The following CRPPA variants were observed in gnomAD, a reference collection of about 807,000 sequenced individuals.
CRPPA encodes the protein D-ribitol-5-phosphate cytidylyltransferase.
CRPPA carries 43 observed loss-of-function variants against 52.0 expected under a neutral mutation model. The observed-to-expected ratio is 0.83, with a 90% confidence interval of 0.65 to 1.07. The LOEUF (loss-of-function observed/expected upper bound fraction) is 1.07, where lower values mean the gene tolerates loss of function less well. CRPPA is among the 50% of genes least tolerant of loss of function. CRPPA has a pLI of 0.00. For synonymous variants in CRPPA, 250 were observed against 203.5 expected (o/e 1.23, Z -1.94); for missense variants, 629 against 551.7 (o/e 1.14, Z -1.40).
intron 3 of CRPPA, among the ~76,000 whole-genome samples, chr7:16,373,949 T>A (rs1437254568): frequency 1.3e-5 from 2 of 152,174 alleles, no homozygotes; most frequent in East Asian, 1.9e-4. Context: ...TGACCATGGA[T>A]CAGCTTGCAG....
Position 16,090,548 on chromosome 7 carries a change from A to C in CRPPA, c.*1147T>G, listed in dbSNP as rs149426049. 1.8e-5 allele frequency: 2 copies of C among 110,830 alleles called. No individual in the cohort carries two copies. The highest frequency in any genetic ancestry group is 3.8e-5 in the Non-Finnish European group (2 of 52,168). The allele number at this position is 110,830 out of a possible 1,614,324, so 6.9% of individuals were successfully genotyped here. ...GCGAAAACCCTTCTCTACTAAAAAT[A>C]CAAAAAAAAAAAAAAAAAAAAAAAA... On this transcript the variant is annotated 3_prime_UTR_variant, in exon 10 of 10. Transcript: ENST00000407010.
intron 8 of CRPPA, among the ~76,000 whole-genome samples, chr7:16,240,237 G>C (rs967965425): frequency 1.3e-5 from 2 of 150,034 alleles, no homozygotes; most frequent in Non-Finnish European, 3.0e-5. Context: ...AGGTTCCAAA[G>C]GTATTTTTAA....
chr7:16,389,580 T>G (rs1787382814), intron 2 of CRPPA, among the ~76,000 whole-genome samples: 1 of 151,940 alleles, frequency 6.6e-6, no homozygotes, highest in Admixed American at 6.6e-5. Context: ...AGCACAAAAA[T>G]TAGAAACAGA....
At chr7:16,413,745 A>T (rs1025392789) in intron 1 of CRPPA, among the ~76,000 whole-genome samples, 1 of 152,264 alleles carries the variant, frequency 6.6e-6, no homozygotes, top group African/African-American at 2.4e-5. Context: ...TTAAAAAACA[A>T]AGTTAATATA....
At chr7:16,205,895 T>C (rs1371444753) in intron 9 of CRPPA, among the ~76,000 whole-genome samples, 7 of 151,408 alleles carry the variant, frequency 4.6e-5, no homozygotes, top group Non-Finnish European at 7.4e-5. Flanking sequence ...ATAAGAGAAT[T>C]AAGGTGGTGA....
At chr7:16,338,813 C>CT (rs59732453) in intron 3 of CRPPA, among the ~76,000 whole-genome samples, 90 of 116,484 alleles carry the variant, frequency 7.7e-4, no homozygotes, top group Admixed American at 2.0e-3. Flanking sequence ...TTCTAGCAAA[C>CT]TTTTTTTTTT....
At chr7:16,414,523 GATAAAT>G (rs1788146942) in intron 1 of CRPPA, among the ~76,000 whole-genome samples, 1 of 152,070 alleles carries the variant, frequency 6.6e-6, no homozygotes, top group Non-Finnish European at 1.5e-5. Flanking sequence ...TACATCAATT[GATAAAT>G]TGTGAGTGAA....
At chr7:16,376,812 G>C (rs1393424526) in intron 2 of CRPPA, among the ~76,000 whole-genome samples, 1 of 152,178 alleles carries the variant, frequency 6.6e-6, no homozygotes, top group African/African-American at 2.4e-5. Context: ...GACTTCAATT[G>C]CTATGATGAA....
At chr7:16,125,257 CAAAAAAAAAAAA>C in intron 9 of CRPPA, among the ~76,000 whole-genome samples, 1 of 67,730 alleles carries the variant, frequency 1.5e-5, no homozygotes, top group South Asian at 6.7e-4. Context: ...GAGACTGTCT[CAAAAAAAAAAAA>C]AAAAAAAAAA....
At chr7:16,097,477 T>G (rs899290921) in intron 9 of CRPPA, among the ~76,000 whole-genome samples, 1 of 152,176 alleles carries the variant, frequency 6.6e-6, no homozygotes, top group Non-Finnish European at 1.5e-5. Context: ...ATTTCAAGTT[T>G]AGGATGAAAT....
At chr7:16,193,864 C>G (rs1226447165) in intron 9 of CRPPA, among the ~76,000 whole-genome samples, 1 of 152,092 alleles carries the variant, frequency 6.6e-6, no homozygotes, top group Non-Finnish European at 1.5e-5. Context: ...GTTTCCTTTA[C>G]TTAGGCAGGA....
rs113269395 is a variant in CRPPA, at chr7:16,288,827, C to T, written c.836-10601G>A. On this transcript the variant is annotated intron_variant, in intron 5 of 9. Coordinates refer to ENST00000407010, the MANE Select transcript of CRPPA (RefSeq NM_001101426.4). The stretch of plus-strand genomic sequence containing the variant: ...CACCACTGCACTCCAGTCTGGGCAA[C>T]GGAGTGAGACTCTGCCTCAAAAAAA... Among the ~76,000 whole-genome samples, 344 of 109,400 alleles carry T rather than the reference C, an allele frequency of 3.1e-3. 2 individuals are homozygous for T. The highest frequency in any genetic ancestry group is 0.012 in the African/African-American group (321 of 27,148). 71.8% of individuals were successfully genotyped at this position (109,400 alleles called of 152,430 possible).
chr7:16,287,985 T>C (rs796439660), intron 5 of CRPPA, among the ~76,000 whole-genome samples: 3 of 151,612 alleles, frequency 2.0e-5, no homozygotes, highest in Admixed American at 6.6e-5. Context: ...TACACAGACA[T>C]CTACAGAGGG....
chr7:16,384,462 G>C (rs1395619150), intron 2 of CRPPA, among the ~76,000 whole-genome samples: 1 of 152,124 alleles, frequency 6.6e-6, no homozygotes, highest in Non-Finnish European at 1.5e-5. Context: ...CCTGCAAAGG[G>C]GCTAGAATTT....
chr7:16,347,061 A>C (rs1562645637), intron 3 of CRPPA, among the ~76,000 whole-genome samples: 1 of 152,138 alleles, frequency 6.6e-6, no homozygotes, highest in Non-Finnish European at 1.5e-5. Context: ...TAACTAATAA[A>C]TACTTCCAAT....
At chr7:16,339,742 A>G (rs566388820) in intron 3 of CRPPA, among the ~76,000 whole-genome samples, 66 of 152,322 alleles carry the variant, frequency 4.3e-4, no homozygotes, top group Admixed American at 1.6e-3. Flanking sequence ...GGAAAGAAGT[A>G]AACTCATTTT....
rs78858112 is a variant in CRPPA at position 16,357,095 on chromosome 7, C to T, written c.684+18997G>A. ...TCTTCCTATGGGAGCTGGATGCTTT[C>T]CCATGGGTCCCTCAGGATATCGCCC... On this transcript the variant is annotated intron_variant, in intron 3 of 9. Transcript: ENST00000407010. Among the ~76,000 whole-genome samples the T allele has an allele frequency of 1.4e-4, 22 of 152,290 alleles. 1 individual carries two copies. In the East Asian group the frequency reaches 2.7e-3, roughly 19 times the overall value.
intron 5 of CRPPA, among the ~76,000 whole-genome samples, chr7:16,296,230 T>G (rs767428208): frequency 1.5e-4 from 23 of 152,100 alleles, no homozygotes; most frequent in Non-Finnish European, 2.1e-4. Context: ...TTTGGAGACT[T>G]GCTATCTACC....
chr7:16,363,683 A>T (rs934425552), intron 3 of CRPPA, among the ~76,000 whole-genome samples: 4 of 152,180 alleles, frequency 2.6e-5, no homozygotes, highest in Non-Finnish European at 5.9e-5. Flanking sequence ...TAGTGATGGA[A>T]TCTAGAAAAA....
Sources: allele counts gnomAD v4.1 joint callset (sites outside exome capture counted in the v4.1 genomes callset), GRCh38; gene constraint gnomAD v4.1.1; transcripts MANE v1.5; gene names NCBI Gene and HGNC (gene_info 2026-07-23, HGNC 2026-07-21).